Variants in COL12A1 observed in about 807,000 individuals in gnomAD.
The protein encoded by COL12A1 is collagen type XII alpha 1 chain, also known as collagen alpha-1(XII) chain.
Under a neutral mutation model 349.7 loss-of-function variants are expected in COL12A1, and 114 were observed. That is an observed-to-expected ratio of 0.33 (90% CI 0.28 to 0.38). COL12A1 has a LOEUF of 0.38. Ranked by LOEUF, COL12A1 falls within the 10% of genes least tolerant of loss-of-function variation. The probability of loss-of-function intolerance (pLI) is 1.00; values close to 1 mark genes in which losing one functional copy is unlikely to be tolerated. For missense variants in COL12A1, 3,284 were observed against 3,756.9 expected (o/e 0.87, Z 3.29); for synonymous variants, 1,369 against 1,329.0 (o/e 1.03, Z -0.66).
In COL12A1 at chr6:75,087,710, G is replaced by A. The variant is rs374037516; in HGVS notation, c.9048C>T (p.Ser3016=). The A allele has an allele frequency of 2.2e-5, 35 of 1,606,154 alleles. No homozygotes were observed. The highest frequency in any genetic ancestry group is 4.0e-5 in the African/African-American group (3 of 74,332). ...GGCCAGGGGGACCTCTTGAACCTGTGGACCCTGGTGGACCTGTTCTGGATT... is the reference window on the plus strand; with the variant it reads ...GGCCAGGGGGACCTCTTGAACCTGTAGACCCTGGTGGACCTGTTCTGGATT... ...QGESRTGPPG[S]TGSRGPPGPP... is the part of the protein sequence containing the mutation. The change falls in exon 65 of 66, where the codon TCC becomes TCT. Residue 3016 remains serine (S), a synonymous_variant. Transcript: ENST00000322507.
rs894218394 is a variant in COL12A1 at position 75,097,136 on chromosome 6, C to T, written c.8577+117G>A. 10 of 635,752 alleles carry T rather than the reference C, an allele frequency of 1.6e-5. No individual in the cohort carries two copies. In the Admixed American group the frequency reaches 2.5e-4, roughly 16 times the overall value. 39.4% of individuals were successfully genotyped at this position (635,752 alleles called of 1,614,324 possible). On this transcript the variant is annotated intron_variant, in intron 59 of 65. Transcript: ENST00000322507. Reference sequence around the variant, plus strand: ...GATGTAGGTAAATAAAAACACAGTTCCCTCAATGATATACTCCACAGCACA... The same window carrying T: ...GATGTAGGTAAATAAAAACACAGTTTCCTCAATGATATACTCCACAGCACA...
intron 37 of COL12A1, 138 bp downstream of exon 37, chr6:75,129,953 A>T: frequency 1.0e-6 from 1 of 995,270 alleles, no homozygotes; most frequent in South Asian, 1.7e-5. Flanking sequence ...GGTGGTCCCA[A>T]CGTCATGTCA....
intron 61 of COL12A1, 46 bp from the exon 62 acceptor site, chr6:75,091,435 T>C (rs1381419914): frequency 6.2e-7 from 1 of 1,612,232 alleles, no homozygotes; most frequent in Non-Finnish European, 8.5e-7. Context: ...TCTATAGTTT[T>C]AGGCTTCAAT....
chr6:75,148,386 T>C lies in COL12A1; in HGVS notation c.4259A>G (p.Tyr1420Cys), dbSNP rs1248753808. 1.6e-5 allele frequency: 25 copies of C among 1,612,036 alleles called. No individual in the cohort carries two copies. In the East Asian group the frequency reaches 2.5e-4, roughly 16 times the overall value. The change falls in exon 22 of 66, where the codon TAT becomes TGT. Residue 1420 changes from tyrosine to cysteine, a missense_variant. By Grantham distance (194) the Tyr-to-Cys change is radical. Coordinates refer to ENST00000322507, the MANE Select transcript of COL12A1 (RefSeq NM_004370.6). ...TTGACGTTTCCCTCCAGAAACTGGA[T>C]AGTATTCCACCTTATATCGATCCAC... Reference protein sequence around the residue: ...DSVDRYKVEYYPVSGGKRQEF... With the variant: ...DSVDRYKVEYCPVSGGKRQEF...
chr6:75,155,512 A>G (rs1430494609), intron 16 of COL12A1, 150 bp downstream of exon 16: 3 of 791,384 alleles, frequency 3.8e-6, no homozygotes, highest in Admixed American at 3.8e-5. Context: ...AGCACCAAGC[A>G]TAAGAAAACA....
intron 5 of COL12A1, among the ~76,000 whole-genome samples, chr6:75,190,752 C>A (rs926551191): frequency 6.6e-6 from 1 of 151,794 alleles, no homozygotes; most frequent in African/African-American, 2.4e-5. Context: ...GGAGAGGGTG[C>A]TGAAAAATTT....
rs1178514255 is a variant in COL12A1 at position 75,184,043 on chromosome 6, T to A, written c.1099A>T (p.Ile367Phe). ...CTTCCTGCAGTCATTGGTGTGAGGA[T>A]GACTTTGTAGCCAGTCACTGGACTA... ...SPSPVTGYKV[I>F]LTPMTAGSRQ... The change falls in exon 9 of 66, where the codon ATC (isoleucine) becomes TTC (phenylalanine). Residue 367 changes from isoleucine (I) to phenylalanine (F), a missense_variant. This residue lies in a region of COL12A1 where 2,601 missense variants were observed against 2,824.8 expected (regional missense o/e 0.92). Transcript: ENST00000322507. 4 of 1,614,188 alleles carry A rather than the reference T, an allele frequency of 2.5e-6. No individual in the cohort carries two copies. Among genetic ancestry groups the A allele is most frequent in the Admixed American group, 3.3e-5 (2 of 60,016 alleles).
Position 75,182,725 on chromosome 6 carries a change from T to A in COL12A1, c.1891+325A>T, listed in dbSNP as rs140329165. 3.1e-3 allele frequency among the ~76,000 whole-genome samples: 468 copies of A among 152,282 alleles called. 2 individuals are homozygous for A. Among genetic ancestry groups the A allele is most frequent in the Non-Finnish European group, 4.0e-3 (275 of 68,024 alleles). ...ACCCAGCTCAGTATCCAGCACATAG[T>A]GAACACCCCATACATGGGATTTGGA... is the stretch of plus-strand genomic sequence containing the variant. On this transcript the variant is annotated intron_variant, in intron 10 of 65. Transcript: ENST00000322507.
chr6:75,146,543 T>C (rs1767204453), intron 23 of COL12A1, among the ~76,000 whole-genome samples: 1 of 152,228 alleles, frequency 6.6e-6, no homozygotes. Flanking sequence ...CCTGATACGT[T>C]ACTCTCTTTT....
chr6:75,180,727 CA>C (rs1769222384), intron 11 of COL12A1, among the ~76,000 whole-genome samples: 1 of 152,014 alleles, frequency 6.6e-6, no homozygotes, highest in Non-Finnish European at 1.5e-5. Flanking sequence ...CTCCTAACTT[CA>C]AATTCATCAA....
Position 75,124,128 on chromosome 6 carries a change from AT to A in COL12A1, c.6725-35del, listed in dbSNP as rs779844352. ...GACAACAAAGGAAAATGCCAGTGTCATCACCAATTATATTTCAAGAAAATTT... is the reference window on the plus strand; with the variant it reads ...GACAACAAAGGAAAATGCCAGTGTCACACCAATTATATTTCAAGAAAATTT... On this transcript the variant is annotated intron_variant, in intron 41 of 65. Transcript: ENST00000322507. 3 of 1,600,636 alleles carry A rather than the reference AT, an allele frequency of 1.9e-6. No individual in the cohort carries two copies. In the Admixed American group the frequency reaches 5.1e-5, roughly 27 times the overall value.
chr6:75,131,576 A>C (rs1222700615), intron 35 of COL12A1, among the ~76,000 whole-genome samples: 2 of 152,220 alleles, frequency 1.3e-5, no homozygotes, highest in Non-Finnish European at 2.9e-5. Context: ...TGATTTCTAA[A>C]TTGTTAGTCT....
At chr6:75,190,250 A>G (rs574398050) in intron 5 of COL12A1, among the ~76,000 whole-genome samples, 1 of 152,094 alleles carries the variant, frequency 6.6e-6, no homozygotes, top group South Asian at 2.1e-4. Context: ...GGTATTTATC[A>G]ACAAATAAAT....
chr6:75,182,380 G>A (rs912687174), intron 10 of COL12A1, among the ~76,000 whole-genome samples: 1 of 148,782 alleles, frequency 6.7e-6, no homozygotes, highest in African/African-American at 2.5e-5. Context: ...CCTTCCTATA[G>A]GTCCCGGTGT....
intron 51 of COL12A1, among the ~76,000 whole-genome samples, chr6:75,110,061 T>C (rs775225088): frequency 2.6e-5 from 4 of 152,074 alleles, no homozygotes; most frequent in Non-Finnish European, 4.4e-5. Context: ...CGCCAAACCA[T>C]AAGTTTACTG....
chr6:75,159,961 C>A (rs1300243980), intron 14 of COL12A1, among the ~76,000 whole-genome samples: 1 of 151,912 alleles, frequency 6.6e-6, no homozygotes, highest in Non-Finnish European at 1.5e-5. Context: ...CACTTATATT[C>A]CTGCCTTTTA....
chr6:75,200,980 T>C (rs796256407), intron 2 of COL12A1, among the ~76,000 whole-genome samples: 77 of 151,316 alleles, frequency 5.1e-4, no homozygotes, highest in African/African-American at 1.7e-3. Context: ...TGGAAATAAA[T>C]ACAAATTTAA....
In COL12A1 at chr6:75,189,939, TTCTTCACC is replaced by T. The variant is rs1339947173; in HGVS notation, c.395-132_395-125del. 10 of 1,037,552 alleles carry T rather than the reference TTCTTCACC, an allele frequency of 9.6e-6. No homozygotes were observed. In the African/African-American group the frequency reaches 1.3e-4, roughly 13 times the overall value. 64.3% of individuals were successfully genotyped at this position (1,037,552 alleles called of 1,614,324 possible). ...TTCATTAGAACATATTCACCAATTG[TTCTTCACC>T]CACATGCACAAAGAAATATACAATT... On this transcript the variant is annotated intron_variant, in intron 5 of 65. Coordinates refer to ENST00000322507, the MANE Select transcript of COL12A1 (RefSeq NM_004370.6).
Position 75,138,901 on chromosome 6 carries a change from C to T in COL12A1, c.5018G>A (p.Gly1673Glu). Residue 1673 changes from glycine to glutamate, a missense_variant, in exon 28 of 66, where the codon GGG becomes GAG. Coordinates refer to ENST00000322507, the MANE Select transcript of COL12A1 (RefSeq NM_004370.6). ...ATCTGAAGCTCCATGATCCCAAGTC[C>T]CTCTGAAACCCTCTGATGTTACTTC... is the stretch of plus-strand genomic sequence containing the variant. Reference protein sequence around the residue: ...ITEVTSEGFRGTWDHGASDVS... With the variant: ...ITEVTSEGFRETWDHGASDVS... The T allele has an allele frequency of 6.2e-7, 1 of 1,614,042 alleles. No individual in the cohort carries two copies. The highest frequency in any genetic ancestry group is 8.5e-7 in the Non-Finnish European group (1 of 1,179,952).
Sources: gnomAD v4.1 joint callset for allele counts (sites outside exome capture counted in the v4.1 genomes callset) on GRCh38, gnomAD v4.1.1 for gene constraint, gnomAD v4.1.1 regional missense constraint, MANE v1.5 for transcripts, NCBI Gene and HGNC (gene_info 2026-07-23, HGNC 2026-07-21) for gene names.